Variants in OGDHL observed in about 807,000 individuals in gnomAD.
OGDHL encodes the protein 2-oxoglutarate dehydrogenase-like, mitochondrial.
In OGDHL, 79 loss-of-function variants were observed where a neutral mutation model predicts 109.6. The ratio of observed to expected loss-of-function variants is 0.72; its 90% confidence interval spans 0.60 to 0.87. OGDHL has a LOEUF of 0.87. OGDHL is among the 40% of genes least tolerant of loss of function. OGDHL has a pLI of 0.00. For synonymous variants in OGDHL, 528 were observed against 537.2 expected (o/e 0.98, Z 0.24); for missense variants, 1,275 against 1,362.2 (o/e 0.94, Z 1.01).
chr10:49,752,496 C>CA, intron 4 of OGDHL, 142 bp downstream of exon 4: 1 of 748,312 alleles, frequency 1.3e-6, no homozygotes, highest in Non-Finnish European at 2.4e-6. Context: ...AGGCAGTACA[C>CA]AGGCAAGGTA....
Position 49,739,707 on chromosome 10 carries a change from C to T in OGDHL, c.2273G>A (p.Arg758Gln), listed in dbSNP as rs756774519. 86 of 1,613,986 alleles carry T rather than the reference C, an allele frequency of 5.3e-5. No homozygotes were observed. The highest frequency in any genetic ancestry group is 1.6e-4 in the Middle Eastern group (1 of 6,080). The change falls in exon 17 of 23, where the codon CGG becomes CAG. Residue 758 changes from arginine (R) to glutamine (Q), a missense_variant. Physicochemically the swap from Arg to Gln is conservative, Grantham distance 43. Coordinates refer to ENST00000374103, the MANE Select transcript of OGDHL (RefSeq NM_018245.3). ...CAGCAGCAGCACAATGCCATTATGC[C>T]GCACCCACTTGGCCTGGCCGGTGCT... ...FISTGQAKWV[R>Q]HNGIVLLLPH... is the part of the protein sequence containing the mutation.
At chr10:49,748,353 GAA>G (rs1316715267) in intron 8 of OGDHL, among the ~76,000 whole-genome samples, 2 of 152,172 alleles carry the variant, frequency 1.3e-5, no homozygotes, top group African/African-American at 4.8e-5. Flanking sequence ...GGTTGCACTG[GAA>G]AAAGAGGTTT....
chr10:49,754,067 A>G (rs899723963), intron 3 of OGDHL, among the ~76,000 whole-genome samples: 1 of 152,218 alleles, frequency 6.6e-6, no homozygotes, highest in Non-Finnish European at 1.5e-5. Flanking sequence ...CCACATTTGT[A>G]GCACGTTAGA....
In OGDHL at chr10:49,736,483, G is replaced by C; in HGVS notation, c.2628C>G (p.Ala876=). 1 of 1,613,714 alleles carries C rather than the reference G, an allele frequency of 6.2e-7. No individual in the cohort carries two copies. Among genetic ancestry groups the C allele is most frequent in the African/African-American group, 1.3e-5 (1 of 75,026 alleles). ...GCACCTGCTCAGGGGCCCGTGCTGC[G>C]GCCCCATCTTCAGGAATCACCCGCT... ...SFQRVIPEDG[A]AARAPEQVQR... Residue 876 remains alanine, a synonymous_variant, in exon 21 of 23, where the codon GCC becomes GCG. Transcript: ENST00000374103.
In OGDHL at chr10:49,735,277, A is replaced by T; in HGVS notation, c.2984T>A (p.Phe995Tyr). 1 of 1,614,180 alleles carries T rather than the reference A, an allele frequency of 6.2e-7. No homozygotes were observed. Among genetic ancestry groups the T allele is most frequent in the Non-Finnish European group, 8.5e-7 (1 of 1,180,010 alleles). ...RNTHLVSLKK[F>Y]LDTAFNLQAF... The stretch of plus-strand genomic sequence containing the variant: ...CTGGAGATTGAAGGCAGTATCCAGA[A>T]ACTTCTTCAGTGACACCAGGTGAGT... Residue 995 changes from phenylalanine (F) to tyrosine (Y), a missense_variant, in exon 23 of 23, where the codon TTT (phenylalanine) becomes TAT (tyrosine). Physicochemically the swap from Phe to Tyr is conservative, Grantham distance 22. Transcript: ENST00000374103.
Position 49,752,692 on chromosome 10 carries a change from C to T in OGDHL, c.424G>A (p.Ala142Thr), listed in dbSNP as rs1309778622. Residue 142 changes from alanine (A) to threonine (T), a missense_variant, in exon 4 of 23, where the codon GCA becomes ACA. Physicochemically the swap from Ala to Thr is moderately conservative, Grantham distance 58 (BLOSUM62 0). Transcript: ENST00000374103. ...AQLDPLGILDADLDSFVPSDL... is the reference protein window; with the variant it reads ...AQLDPLGILDTDLDSFVPSDL... ...GAGGGCACAAAGGAGTCCAGGTCTG[C>T]ATCCAGAATGCCCAGGGGGTCCAGC... The T allele has an allele frequency of 6.2e-7, 1 of 1,614,084 alleles. No homozygotes were observed. Among genetic ancestry groups the T allele is most frequent in the Non-Finnish European group, 8.5e-7 (1 of 1,180,040 alleles).
In OGDHL at chr10:49,751,936, C is replaced by A. The variant is rs766386468; in HGVS notation, c.640G>T (p.Asp214Tyr). The change falls in exon 6 of 23, where the codon GAT becomes TAT. Residue 214 changes from aspartate to tyrosine, a missense_variant. Coordinates refer to ENST00000374103, the MANE Select transcript of OGDHL (RefSeq NM_018245.3). ...HIGLEFMFIN[D>Y]VEQCQWIRQK... ...CGGATCCACTGGCACTGCTCCACATCGTTGATGAACATGAACTCCAGGCCA... is the reference window on the plus strand; with the variant it reads ...CGGATCCACTGGCACTGCTCCACATAGTTGATGAACATGAACTCCAGGCCA... 1 of 1,614,196 alleles carries A rather than the reference C, an allele frequency of 6.2e-7. No individual in the cohort carries two copies. The highest frequency in any genetic ancestry group is 8.5e-7 in the Non-Finnish European group (1 of 1,180,026).
In OGDHL at chr10:49,752,178, G is replaced by A. The variant is rs751443873; in HGVS notation, c.549C>T (p.Gly183=). 1.9e-6 allele frequency: 3 copies of A among 1,614,120 alleles called. No individual in the cohort carries two copies. The highest frequency in any genetic ancestry group is 1.6e-4 in the Middle Eastern group (1 of 6,062). Residue 183 remains glycine (G), a synonymous_variant, in exon 5 of 23, where the codon GGC becomes GGT. Transcript: ENST00000374103. ...CCCGCAGAGAGAGGGTGTTTTCAGA[G>A]CCCCCAATGAAGGTGGTTGTCGGCA... ...FQLPTTTFIG[G]SENTLSLREI... is the part of the protein sequence containing the mutation.
In OGDHL at chr10:49,740,697, A is replaced by G. The variant is rs1380225226; in HGVS notation, c.2140+13T>C. ...CTGGGGCCTGCCTGGCCTGCAGGAG[A>G]GCGTGGACCCACCCAGGACTCCGTA... On this transcript the variant is annotated intron_variant, in intron 16 of 22. Coordinates refer to ENST00000374103, the MANE Select transcript of OGDHL (RefSeq NM_018245.3). 1 of 1,610,050 alleles carries G rather than the reference A, an allele frequency of 6.2e-7. No individual in the cohort carries two copies. Among genetic ancestry groups the G allele is most frequent in the East Asian group, 2.2e-5 (1 of 44,736 alleles).
chr10:49,741,532 A>T (rs1841655165), intron 15 of OGDHL, among the ~76,000 whole-genome samples: 1 of 152,076 alleles, frequency 6.6e-6, no homozygotes, highest in African/African-American at 2.4e-5. Flanking sequence ...TAGGAACCCG[A>T]ACCAGAGGAA....
At chr10:49,741,054 C>A (rs2132973845) in intron 15 of OGDHL, among the ~76,000 whole-genome samples, 1 of 152,264 alleles carries the variant, frequency 6.6e-6, no homozygotes, top group African/African-American at 2.4e-5. Context: ...CCCAGCCTGC[C>A]CCCTGCCTGC....
intron 1 of OGDHL, among the ~76,000 whole-genome samples, chr10:49,760,175 CAA>C (rs1025867927): frequency 2.0e-5 from 3 of 152,204 alleles, no homozygotes; most frequent in African/African-American, 7.2e-5. Context: ...ATTTTCAAAA[CAA>C]AAAAGATTCC....
At position 49,758,568 on chromosome 10, in the gene OGDHL, A is replaced by G; in HGVS notation, c.25T>C (p.Ser9Pro). 1 of 1,613,906 alleles carries G rather than the reference A, an allele frequency of 6.2e-7. No individual in the cohort carries two copies. The highest frequency in any genetic ancestry group is 1.3e-5 in the African/African-American group (1 of 75,048). ...CTCGCAGCCTGTACCCCAAGACGGGACGGCAGCAGCCTCAGCTGACTCATT... is the reference window on the plus strand; with the variant it reads ...CTCGCAGCCTGTACCCCAAGACGGGGCGGCAGCAGCCTCAGCTGACTCATT... MSQLRLLPSRLGVQAARLL... is the reference protein window; with the variant it reads MSQLRLLPPRLGVQAARLL... Residue 9 changes from serine (S) to proline (P), a missense_variant, in exon 2 of 23, where the codon TCC becomes CCC. Physicochemically the swap from Ser to Pro is moderately conservative, Grantham distance 74. Transcript: ENST00000374103.
chr10:49,743,222 C>T (rs1841925651), intron 14 of OGDHL, among the ~76,000 whole-genome samples: 1 of 152,240 alleles, frequency 6.6e-6, no homozygotes, highest in Admixed American at 6.5e-5. Context: ...GTTGCAGACA[C>T]CGTCAGGCTC....
chr10:49,735,950 C>T, intron 22 of OGDHL, 73 bp downstream of exon 22: 2 of 1,475,510 alleles, frequency 1.4e-6, no homozygotes, highest in South Asian at 1.5e-5. Flanking sequence ...GGTAGCATGG[C>T]CTATGGGACA....
At chr10:49,740,650 C>A (rs1841578227) in intron 16 of OGDHL, 60 bp downstream of exon 16, 6 of 1,577,720 alleles carry the variant, frequency 3.8e-6, no homozygotes, top group Middle Eastern at 1.8e-4. Flanking sequence ...CCCTTCCCAG[C>A]CCATCTCTTG....
intron 2 of OGDHL, among the ~76,000 whole-genome samples, chr10:49,757,375 T>C (rs1334847163): frequency 6.6e-6 from 1 of 152,186 alleles, no homozygotes; most frequent in African/African-American, 2.4e-5. Flanking sequence ...AAGAACAATG[T>C]AAAAGCGCTT....
In OGDHL at chr10:49,751,046, C is replaced by T. The variant is rs377007425; in HGVS notation, c.750-61G>A. On this transcript the variant is annotated intron_variant, in intron 6 of 22. Coordinates refer to ENST00000374103, the MANE Select transcript of OGDHL (RefSeq NM_018245.3). ...GGGATGGAGAGGGAGGGGACTGGGG[C>T]TCACAGGGGCTGTTCATGAGTGCTC... 1.5e-4 allele frequency: 222 copies of T among 1,454,608 alleles called. 1 individual carries two copies. In the South Asian group the frequency reaches 2.8e-3, roughly 18 times the overall value. The allele number at this position is 1,454,608 out of a possible 1,614,324, so 90.1% of individuals were successfully genotyped here.
At position 49,758,378 on chromosome 10, in the gene OGDHL, G is replaced by A. The variant is rs759112998; in HGVS notation, c.204+11C>T. The A allele has an allele frequency of 7.5e-6, 12 of 1,601,486 alleles. No homozygotes were observed. Among genetic ancestry groups the A allele is most frequent in the Non-Finnish European group, 1.0e-5 (12 of 1,172,282 alleles). On this transcript the variant is annotated intron_variant, in intron 2 of 22. Transcript: ENST00000374103. ...CCTTGCGGTGGCCCAGGGTAGGGTG[G>A]GGATGCTGACCTTGTGGACACTCTG...
Sources: gnomAD v4.1 joint callset for allele counts (sites outside exome capture counted in the v4.1 genomes callset) on GRCh38, gnomAD v4.1.1 for gene constraint, MANE v1.5 for transcripts, NCBI Gene and HGNC (gene_info 2026-07-23, HGNC 2026-07-21) for gene names.